The following LINGO2 variants were observed in gnomAD, a reference collection of about 807,000 sequenced individuals.
LINGO2 encodes the protein leucine rich repeat and Ig domain containing 2, also known as leucine-rich repeat and immunoglobulin-like domain-containing nogo receptor-interacting protein 2.
A neutral mutation model predicts 30.6 loss-of-function variants in LINGO2; 14 were observed. The observed-to-expected ratio is 0.46, with a 90% CI of 0.30 to 0.72. The LOEUF (loss-of-function observed/expected upper bound fraction) is 0.72, where lower values mean the gene tolerates loss of function less well. Ranked by LOEUF, LINGO2 falls within the 30% of genes least tolerant of loss-of-function variation. The pLI, the probability that LINGO2 is intolerant of heterozygous loss-of-function variation, is 0.07. For missense variants in LINGO2, 729 were observed against 751.7 expected, an observed-to-expected ratio of 0.97 and a Z score of 0.35; for synonymous variants, 317 against 288.5, an observed-to-expected ratio of 1.10 and a Z score of -1.00.
the LINGO2 span, among the ~76,000 whole-genome samples, chr9:28,971,372 G>T: frequency 1.3e-5 from 2 of 152,122 alleles, no homozygotes; most frequent in African/African-American, 2.4e-5. Context: ...CTCTTAGATG[G>T]CATTTCTGGA....
At chr9:28,700,371 T>C in the LINGO2 span, among the ~76,000 whole-genome samples, 1 of 152,076 alleles carries the variant, frequency 6.6e-6, no homozygotes, top group African/African-American at 2.4e-5. Flanking sequence ...CTCTAGAATC[T>C]CCTATAGTTG....
intron 1 of LINGO2, among the ~76,000 whole-genome samples, chr9:28,575,228 C>T (rs932444607): frequency 2.0e-5 from 3 of 151,774 alleles, no homozygotes; most frequent in African/African-American, 4.8e-5. Context: ...ATGGTGAAAC[C>T]CCATCTCTAA....
In LINGO2 at chr9:28,441,251, CTTTTTTTTTTTTTTTTTTTTTTT is replaced by C. The variant is rs72213590; in HGVS notation, c.-279+34666_-279+34688del. 5.5e-4 allele frequency among the ~76,000 whole-genome samples: 20 copies of C among 36,286 alleles called. No individual in the cohort carries two copies. The South Asian group carries it at 6.2e-3, about 11-fold the overall frequency. 23.8% of individuals were successfully genotyped at this position (36,286 alleles called of 152,430 possible). On this transcript the variant is annotated intron_variant, in intron 2 of 5. Coordinates refer to ENST00000379992, the Ensembl canonical transcript of LINGO2. ...TATAGCAGTATAAATTCATTGGAGG[CTTTTTTTTTTTTTTTTTTTTTTT>C]TTTTTTTTTTTTTTTGGTGAATTAG... is the stretch of plus-strand genomic sequence containing the variant.
At position 28,309,943 on chromosome 9, in the gene LINGO2, A is replaced by C. The variant is rs78524877; in HGVS notation, c.-245-14577T>G. ...TGATTAGTTCTCCAGCAAATAAAAA[A>C]CACCCCGAGATATTGCCACACAGCT... On this transcript the variant is annotated intron_variant, in intron 3 of 5. Coordinates refer to ENST00000379992, the Ensembl canonical transcript of LINGO2. 0.014 allele frequency among the ~76,000 whole-genome samples: 2,176 copies of C among 152,188 alleles called. 92 individuals carry two copies. In the East Asian group the frequency reaches 0.15, roughly 10 times the overall value.
chr9:28,850,669 A>G, the LINGO2 span, among the ~76,000 whole-genome samples: 1 of 152,060 alleles, frequency 6.6e-6, no homozygotes, highest in African/African-American at 2.4e-5. Flanking sequence ...AACAAGGTCA[A>G]TATGGAACAA....
At chr9:28,338,001 C>G (rs1825644931) in intron 3 of LINGO2, among the ~76,000 whole-genome samples, 2 of 152,134 alleles carry the variant, frequency 1.3e-5, no homozygotes, top group African/African-American at 4.8e-5. Context: ...GTCCAGACCC[C>G]AGAATGGTAT....
At chr9:28,944,352 A>G in the LINGO2 span, among the ~76,000 whole-genome samples, 4 of 88,684 alleles carry the variant, frequency 4.5e-5, no homozygotes, top group African/African-American at 1.7e-4. Flanking sequence ...ACATACCTCT[A>G]TCTCTGTCTG....
At chr9:28,397,527 G>A (rs1176686785) in intron 2 of LINGO2, among the ~76,000 whole-genome samples, 2 of 147,936 alleles carry the variant, frequency 1.4e-5, no homozygotes, top group African/African-American at 5.0e-5. Flanking sequence ...TCAATACCAT[G>A]CTGTACAATA....
At chr9:28,218,284 T>TG (rs1820838945) in intron 4 of LINGO2, among the ~76,000 whole-genome samples, 1 of 151,478 alleles carries the variant, frequency 6.6e-6, no homozygotes, top group Non-Finnish European at 1.5e-5. Context: ...ATTTCTAATT[T>TG]TTTTTTTAGT....
Position 27,991,962 on chromosome 9 carries a change from C to A in LINGO2, c.-36+20393G>T, listed in dbSNP as rs190370856. Among the ~76,000 whole-genome samples, 1,296 of 152,170 alleles carry A rather than the reference C, an allele frequency of 8.5e-3. 95 individuals are homozygous for A. The East Asian group carries it at 0.17, about 20-fold the overall frequency. ...TCAATTTCCACAAGACTCTAGTTGT[C>A]ACCAATATCGTACACTCATTTTCAC... On this transcript the variant is annotated intron_variant, in intron 5 of 5. Transcript: ENST00000379992.
intron 1 of LINGO2, among the ~76,000 whole-genome samples, chr9:28,528,357 T>A (rs1030588587): frequency 6.6e-6 from 1 of 152,196 alleles, no homozygotes; most frequent in Non-Finnish European, 1.5e-5. Flanking sequence ...TGTGATTGAC[T>A]GAAGGAGGTC....
At position 27,992,486 on chromosome 9, in the gene LINGO2, C is replaced by G. The variant is rs139257727; in HGVS notation, c.-36+19869G>C. Among the ~76,000 whole-genome samples the G allele has an allele frequency of 1.8e-3, 268 of 151,952 alleles. 1 individual carries two copies. Among genetic ancestry groups the G allele is most frequent in the African/African-American group, 6.2e-3 (255 of 41,454 alleles). ...AACTATCTCTATATGGAAATATTAT[C>G]ATAGGTAAGGAAAAGCCAAAAAAAA... On this transcript the variant is annotated intron_variant, in intron 5 of 5. Transcript: ENST00000379992.
At chr9:28,661,204 C>A (rs891801282) in intron 1 of LINGO2, among the ~76,000 whole-genome samples, 2 of 152,054 alleles carry the variant, frequency 1.3e-5, no homozygotes, top group African/African-American at 4.8e-5. Flanking sequence ...ATTGTAAATA[C>A]TATTCTTTGT....
At position 28,020,197 on chromosome 9, in the gene LINGO2, C is replaced by A. The variant is rs191384519; in HGVS notation, c.-86-7792G>T. Reference sequence around the variant, plus strand: ...GAAAATGACTCTTGTTGGAACTGGGCAGGAGCACTGAGAGCACAGCCTTTC... The same window carrying A: ...GAAAATGACTCTTGTTGGAACTGGGAAGGAGCACTGAGAGCACAGCCTTTC... On this transcript the variant is annotated intron_variant, in intron 4 of 5. Coordinates refer to ENST00000379992, the Ensembl canonical transcript of LINGO2. 7.9e-5 allele frequency among the ~76,000 whole-genome samples: 12 copies of A among 152,274 alleles called. No homozygotes were observed. The East Asian group carries it at 2.1e-3, about 27-fold the overall frequency.
chr9:28,180,376 T>G (rs1003675957), intron 4 of LINGO2, among the ~76,000 whole-genome samples: 1 of 152,214 alleles, frequency 6.6e-6, no homozygotes, highest in Non-Finnish European at 1.5e-5. Flanking sequence ...AAAAGAAATT[T>G]CCAAGTGTCT....
chr9:28,088,034 T>G (rs1327981245), intron 4 of LINGO2, among the ~76,000 whole-genome samples: 1 of 151,994 alleles, frequency 6.6e-6, no homozygotes, highest in African/African-American at 2.4e-5. Context: ...GTGAAGCAAT[T>G]TAAAGGAACA....
chr9:28,893,041 T>C, the LINGO2 span, among the ~76,000 whole-genome samples: 1 of 152,036 alleles, frequency 6.6e-6, no homozygotes, highest in East Asian at 1.9e-4. Context: ...AATTTATACA[T>C]GCTTGATGCT....
At chr9:28,198,227 C>T (rs1356685090) in intron 4 of LINGO2, among the ~76,000 whole-genome samples, 2 of 148,738 alleles carry the variant, frequency 1.3e-5, no homozygotes, top group Admixed American at 1.4e-4. Flanking sequence ...AAATGATGTG[C>T]CATTTCTCTG....
At chr9:29,102,853 G>C in the LINGO2 span, among the ~76,000 whole-genome samples, 49 of 152,118 alleles carry the variant, frequency 3.2e-4, no homozygotes, top group Non-Finnish European at 6.0e-4. Context: ...TCTAACACAG[G>C]ATGCTTAGAA....
Sources: gnomAD v4.1 joint callset for allele counts (sites outside exome capture counted in the v4.1 genomes callset) on GRCh38, gnomAD v4.1.1 for gene constraint, MANE v1.5 for transcripts, NCBI Gene and HGNC (gene_info 2026-07-23, HGNC 2026-07-21) for gene names.